SHISA9: variants seen among roughly 807,000 people sequenced by gnomAD.
The protein encoded by SHISA9 is protein shisa-9.
SHISA9 carries 13 observed loss-of-function variants against 38.0 expected under a neutral mutation model. That is an observed-to-expected ratio of 0.34 (90% confidence interval 0.22 to 0.54). SHISA9 has a LOEUF of 0.54. Among genes scored for constraint, SHISA9 ranks in the 20% least tolerant of loss-of-function variants. The pLI, the probability that SHISA9 is intolerant of heterozygous loss-of-function variation, is 0.91. For missense variants in SHISA9, 538 were observed against 575.8 expected (o/e 0.93, Z 0.67); for synonymous variants, 275 against 242.0 (o/e 1.14, Z -1.27).
At chr16:13,161,635 A>G (rs2050595974) in intron 2 of SHISA9, among the ~76,000 whole-genome samples, 1 of 152,132 alleles carries the variant, frequency 6.6e-6, no homozygotes, top group South Asian at 2.1e-4. Context: ...GAAGAACAGA[A>G]TGAGTCTTTC....
chr16:13,522,893 C>T, the SHISA9 span, among the ~76,000 whole-genome samples: 1 of 152,132 alleles, frequency 6.6e-6, no homozygotes, highest in East Asian at 1.9e-4. Flanking sequence ...TGCAATTCAG[C>T]CCCTGTTATA....
At chr16:13,160,245 G>T (rs1158777563) in intron 2 of SHISA9, among the ~76,000 whole-genome samples, 1 of 152,192 alleles carries the variant, frequency 6.6e-6, no homozygotes, top group Non-Finnish European at 1.5e-5. Context: ...AACATGGATA[G>T]AGAGCAATGA....
intron 2 of SHISA9, among the ~76,000 whole-genome samples, chr16:12,983,583 G>A (rs1204021616): frequency 6.6e-6 from 1 of 152,168 alleles, no homozygotes; most frequent in East Asian, 1.9e-4. Flanking sequence ...CTGCCTCTCA[G>A]GTTCACACCA....
the SHISA9 span, among the ~76,000 whole-genome samples, chr16:13,553,796 A>G: frequency 6.6e-6 from 1 of 152,224 alleles, no homozygotes; most frequent in Non-Finnish European, 1.5e-5. Flanking sequence ...TGCTTTAGTT[A>G]GCGCCAATTA....
chr16:13,031,079 G>A (rs4780493), intron 2 of SHISA9, among the ~76,000 whole-genome samples: 97,019 of 152,058 alleles, frequency 0.64, 31,623 homozygotes, highest in Middle Eastern at 0.76. Flanking sequence ...TGAGGGGGCT[G>A]CTGTAAGTAA....
the SHISA9 span, among the ~76,000 whole-genome samples, chr16:13,326,182 C>T: frequency 3.2e-4 from 49 of 152,094 alleles, no homozygotes; most frequent in African/African-American, 1.1e-3. Context: ...CTGCCTTTCC[C>T]CTATTCAGGC....
chr16:13,007,078 T>A (rs536510111), intron 2 of SHISA9, among the ~76,000 whole-genome samples: 2 of 152,348 alleles, frequency 1.3e-5, no homozygotes, highest in Non-Finnish European at 2.9e-5. Context: ...ATTCTATTCA[T>A]GTGCCAGTGT....
chr16:13,028,492 G>A (rs964309508), intron 2 of SHISA9, among the ~76,000 whole-genome samples: 45 of 152,140 alleles, frequency 3.0e-4, no homozygotes, highest in African/African-American at 1.1e-3. Flanking sequence ...GAGAAGGAGA[G>A]CCAAGTGAAA....
At chr16:13,284,044 A>G in the SHISA9 span, among the ~76,000 whole-genome samples, 1 of 152,164 alleles carries the variant, frequency 6.6e-6, no homozygotes, top group Non-Finnish European at 1.5e-5. Flanking sequence ...TGATGCCTTC[A>G]TTAAACATTA....
chr16:13,387,996 C>G, the SHISA9 span, among the ~76,000 whole-genome samples: 34 of 152,244 alleles, frequency 2.2e-4, no homozygotes, highest in African/African-American at 8.2e-4. Context: ...TGTTAGAATA[C>G]TGAGAGCCGT....
At chr16:13,090,465 G>T (rs1244072528) in intron 2 of SHISA9, among the ~76,000 whole-genome samples, 4 of 152,270 alleles carry the variant, frequency 2.6e-5, no homozygotes, top group South Asian at 4.1e-4. Context: ...CTAAGGACTT[G>T]CTTTATGAAT....
intron 2 of SHISA9, among the ~76,000 whole-genome samples, chr16:13,034,049 G>C (rs958558100): frequency 6.6e-6 from 1 of 151,992 alleles, no homozygotes; most frequent in African/African-American, 2.4e-5. Context: ...GGAGGCTGAG[G>C]CAGGAGAGTC....
At chr16:13,022,536 G>A (rs181182894) in intron 2 of SHISA9, among the ~76,000 whole-genome samples, 6 of 152,096 alleles carry the variant, frequency 3.9e-5, no homozygotes, top group African/African-American at 9.6e-5. Context: ...TCACCATGTT[G>A]GCCAGGCTTG....
At chr16:12,986,371 G>C (rs990080320) in intron 2 of SHISA9, among the ~76,000 whole-genome samples, 5 of 151,978 alleles carry the variant, frequency 3.3e-5, no homozygotes, top group South Asian at 2.1e-4. Flanking sequence ...ATTGTTTTTA[G>C]AAGTAATTTG....
the SHISA9 span, among the ~76,000 whole-genome samples, chr16:13,424,679 GTCTCTGTTGCAGCTATTTAACTT>G: frequency 2.6e-5 from 4 of 152,174 alleles, no homozygotes; most frequent in African/African-American, 9.7e-5. Context: ...AAGCCATAAT[GTCTCTGTTGCAGCTATTTAACTT>G]TCACCTGTAA....
chr16:12,922,751 C>T (rs573034882), intron 2 of SHISA9, among the ~76,000 whole-genome samples: 3 of 152,110 alleles, frequency 2.0e-5, no homozygotes, highest in African/African-American at 7.2e-5. Context: ...AACTCCTGAC[C>T]TCAGGTGATC....
At chr16:13,051,241 C>G (rs969612602) in intron 2 of SHISA9, among the ~76,000 whole-genome samples, 8 of 152,304 alleles carry the variant, frequency 5.3e-5, no homozygotes, top group Middle Eastern at 3.4e-3. Flanking sequence ...GGAGTAAAGG[C>G]ACATCTAACA....
Position 13,073,215 on chromosome 16 carries a change from T to C in SHISA9, c.692-130179T>C, listed in dbSNP as rs188633248. On this transcript the variant is annotated intron_variant, in intron 2 of 4. Transcript: ENST00000558583. Reference sequence around the variant, plus strand: ...AGCCCAACTCTCTCCTATCTCTCTCTCTCTCTCTTTTTTTTTTTTTTTTTG... The same window carrying C: ...AGCCCAACTCTCTCCTATCTCTCTCCCTCTCTCTTTTTTTTTTTTTTTTTG... Among the ~76,000 whole-genome samples the C allele has an allele frequency of 5.6e-3, 815 of 144,906 alleles. 6 individuals carry two copies. The highest frequency in any genetic ancestry group is 0.02 in the African/African-American group (774 of 39,124).
At chr16:13,519,001 A>T in the SHISA9 span, among the ~76,000 whole-genome samples, 1 of 152,206 alleles carries the variant, frequency 6.6e-6, no homozygotes, top group Non-Finnish European at 1.5e-5. Flanking sequence ...GCCTCTCATT[A>T]GGCCCCACCT....
Sources: allele counts gnomAD v4.1 joint callset (sites outside exome capture counted in the v4.1 genomes callset), GRCh38; gene constraint gnomAD v4.1.1; transcripts MANE v1.5; gene names NCBI Gene and HGNC (gene_info 2026-07-23, HGNC 2026-07-21).